Variants in FBN2 observed in about 807,000 individuals in gnomAD.
FBN2 encodes fibrillin 2.
Under a neutral mutation model 355.6 loss-of-function variants are expected in FBN2, and 105 were observed. The observed-to-expected ratio is 0.30, with a 90% CI of 0.25 to 0.35. FBN2 has a LOEUF of 0.35. Among genes scored for constraint, FBN2 ranks in the 10% least tolerant of loss-of-function variants. FBN2 has a pLI of 1.00. For missense variants in FBN2, 3,280 were observed against 3,758.7 expected, an observed-to-expected ratio of 0.87 and a Z score of 3.33; for synonymous variants, 1,350 against 1,301.2, an observed-to-expected ratio of 1.04 and a Z score of -0.81.
At chr5:128,277,732 A>G (rs1050829918) in intron 58 of FBN2, 148 bp downstream of exon 58, 4 of 903,996 alleles carry the variant, frequency 4.4e-6, no homozygotes, top group African/African-American at 3.3e-5. Context: ...GTGATTAAGA[A>G]GCACATTATT....
intron 2 of FBN2, among the ~76,000 whole-genome samples, chr5:128,533,977 T>C (rs934036045): frequency 6.6e-6 from 1 of 152,036 alleles, no homozygotes; most frequent in African/African-American, 2.4e-5. Context: ...CAACAAAACA[T>C]AGAGACTCAA....
chr5:128,533,113 T>A (rs914335841), intron 2 of FBN2, among the ~76,000 whole-genome samples: 2 of 152,242 alleles, frequency 1.3e-5, no homozygotes, highest in Admixed American at 6.5e-5. Flanking sequence ...GGCAAGAATA[T>A]GTTTCCTGCC....
intron 8 of FBN2, among the ~76,000 whole-genome samples, chr5:128,400,783 C>T (rs2126989584): frequency 6.6e-6 from 1 of 152,280 alleles, no homozygotes; most frequent in South Asian, 2.1e-4. Context: ...ACATTTTATA[C>T]ATAAGGTAAT....
chr5:128,488,930 T>C (rs1755422903), intron 5 of FBN2, among the ~76,000 whole-genome samples: 1 of 152,152 alleles, frequency 6.6e-6, no homozygotes, highest in South Asian at 2.1e-4. Context: ...TTCCAAGTCT[T>C]TGCTATTGTG....
chr5:128,533,796 T>C (rs139758069), intron 2 of FBN2, among the ~76,000 whole-genome samples: 160 of 152,134 alleles, frequency 1.1e-3, no homozygotes, highest in Middle Eastern at 0.01. Flanking sequence ...ATACTGTTCA[T>C]AGCATAATTT....
chr5:128,313,617 G>A (rs1013445526), intron 36 of FBN2, among the ~76,000 whole-genome samples: 1 of 151,642 alleles, frequency 6.6e-6, no homozygotes, highest in Non-Finnish European at 1.5e-5. Flanking sequence ...AGTAATAAGG[G>A]CTGTCTACTC....
chr5:128,467,242 C>G (rs2127087882), intron 5 of FBN2, among the ~76,000 whole-genome samples: 1 of 152,228 alleles, frequency 6.6e-6, no homozygotes, highest in South Asian at 2.1e-4. Context: ...AATGACCTTT[C>G]TTGTTGAAGT....
At chr5:128,458,408 G>A (rs1227980758) in intron 6 of FBN2, among the ~76,000 whole-genome samples, 1 of 148,742 alleles carries the variant, frequency 6.7e-6, no homozygotes, top group African/African-American at 2.5e-5. Flanking sequence ...AATGAGACAG[G>A]AAATTAACAA....
Position 128,431,556 on chromosome 5 carries a change from T to TA in FBN2, c.952+14924dup, listed in dbSNP as rs1393207302. Among the ~76,000 whole-genome samples the TA allele has an allele frequency of 1.1e-4, 16 of 152,336 alleles. No homozygotes were observed. The East Asian group carries it at 2.7e-3, about 26-fold the overall frequency. On this transcript the variant is annotated intron_variant, in intron 7 of 64. Transcript: ENST00000262464. ...TCTTCCCTCTTCGCAATTACACAGA[T>TA]AAAAAAATCTATTCTTACTGTAGAG...
intron 45 of FBN2, among the ~76,000 whole-genome samples, chr5:128,304,611 G>C (rs993417493): frequency 8.5e-5 from 13 of 152,136 alleles, no homozygotes; most frequent in African/African-American, 3.1e-4. Context: ...GTAGAAACAT[G>C]AAAGTAAAGG....
At chr5:128,311,847 A>C (rs1195983843) in intron 38 of FBN2, 38 bp downstream of exon 38, 4 of 1,475,122 alleles carry the variant, frequency 2.7e-6, no homozygotes, top group Non-Finnish European at 2.8e-6. Context: ...TTAACTCTTT[A>C]CCTTGTTTGA....
intron 52 of FBN2, 108 bp from the exon 53 acceptor site, chr5:128,288,665 C>T: frequency 3.2e-6 from 4 of 1,265,710 alleles, no homozygotes; most frequent in Non-Finnish European, 4.6e-6. Flanking sequence ...CTGAGAAGGG[C>T]ACATGTAACC....
At chr5:128,461,970 A>G (rs1754571152) in intron 6 of FBN2, among the ~76,000 whole-genome samples, 1 of 152,184 alleles carries the variant, frequency 6.6e-6, no homozygotes, top group Non-Finnish European at 1.5e-5. Flanking sequence ...TTTAATAAGA[A>G]ATAAAGCAAA....
chr5:128,455,883 A>G (rs1397727849), intron 6 of FBN2, among the ~76,000 whole-genome samples: 1 of 150,086 alleles, frequency 6.7e-6, no homozygotes, highest in African/African-American at 2.5e-5. Flanking sequence ...GCCTCTGAGC[A>G]GGAATCTGCT....
In FBN2 at chr5:128,312,633, C is replaced by A; in HGVS notation, c.4879+1G>T. The A allele has an allele frequency of 6.2e-7, 1 of 1,614,130 alleles. No individual in the cohort carries two copies. The highest frequency in any genetic ancestry group is 1.1e-5 in the South Asian group (1 of 91,082). On this transcript the variant is annotated splice_donor_variant, in intron 37 of 64. Coordinates refer to ENST00000262464, the MANE Select transcript of FBN2 (RefSeq NM_001999.4). LOFTEE classifies it high-confidence loss of function. ...TTCCTCTTCTTCAGCTTTGTACTTACTGCTATTGACAGGGGGGCATGTCTC... is the reference window on the plus strand; with the variant it reads ...TTCCTCTTCTTCAGCTTTGTACTTAATGCTATTGACAGGGGGGCATGTCTC...
In FBN2 at chr5:128,376,809, A is replaced by G; in HGVS notation, c.1894T>C (p.Cys632Arg). 2 of 1,613,658 alleles carry G rather than the reference A, an allele frequency of 1.2e-6. No individual in the cohort carries two copies. Among genetic ancestry groups the G allele is most frequent in the South Asian group, 1.1e-5 (1 of 91,080 alleles). The change falls in exon 14 of 65, where the codon TGC becomes CGC. Residue 632 changes from cysteine to arginine, a missense_variant. Transcript: ENST00000262464. ...TTGAAGCTGCCATCTTCATTGATGC[A>G]CATTCCATTCAAACACATGTTGGTA... ...TTTNMCLNGMCINEDGSFKCI... is the reference protein window; with the variant it reads ...TTTNMCLNGMRINEDGSFKCI...
chr5:128,458,687 C>A (rs781245247), intron 6 of FBN2, among the ~76,000 whole-genome samples: 6 of 152,108 alleles, frequency 3.9e-5, no homozygotes, highest in Non-Finnish European at 7.3e-5. Context: ...ACAACCTGCT[C>A]CTGAATGACT....
At position 128,537,416 on chromosome 5, in the gene FBN2, T is replaced by A. The variant is rs760014472; in HGVS notation, c.188A>T (p.Tyr63Phe). The change falls in exon 1 of 65, where the codon TAT becomes TTT. Residue 63 changes from tyrosine to phenylalanine, a missense_variant. Physicochemically the swap from Tyr to Phe is conservative, Grantham distance 22. Coordinates refer to ENST00000262464, the MANE Select transcript of FBN2 (RefSeq NM_001999.4). ...GGCCACTGCGGCACCCTCCTCGCGA[T>A]ACTCGGGCGCTAGAAACCCGCCTTC... ...GSEGGFLAPE[Y>F]REEGAAVASR... The A allele has an allele frequency of 1.9e-6, 3 of 1,610,008 alleles. No homozygotes were observed. The highest frequency in any genetic ancestry group is 2.5e-6 in the Non-Finnish European group (3 of 1,179,368).
chr5:128,523,014 T>C (rs533580355), intron 4 of FBN2, among the ~76,000 whole-genome samples: 31 of 152,286 alleles, frequency 2.0e-4, no homozygotes, highest in African/African-American at 7.2e-4. Context: ...TTGCATACTG[T>C]AAAAGCTCAG....
Sources: gnomAD v4.1 joint callset for allele counts (sites outside exome capture counted in the v4.1 genomes callset) on GRCh38, gnomAD v4.1.1 for gene constraint, MANE v1.5 for transcripts, NCBI Gene and HGNC (gene_info 2026-07-23, HGNC 2026-07-21) for gene names.